Variants in DCBLD2 observed in about 807,000 individuals in gnomAD.
The protein encoded by DCBLD2 is discoidin, CUB and LCCL domain containing 2.
DCBLD2 carries 54 observed loss-of-function variants against 86.8 expected under a neutral mutation model. The ratio of observed to expected loss-of-function variants is 0.62; its 90% confidence interval spans 0.50 to 0.78. The LOEUF is 0.78. DCBLD2 is among the 30% of genes least tolerant of loss of function. The probability of loss-of-function intolerance (pLI) is 0.00; values close to 1 mark genes in which losing one functional copy is unlikely to be tolerated. For missense variants in DCBLD2, 908 were observed against 954.2 expected, an observed-to-expected ratio of 0.95 and a Z score of 0.64; for synonymous variants, 354 against 341.3, an observed-to-expected ratio of 1.04 and a Z score of -0.41.
At chr3:98,834,090 G>T (rs1942374993) in intron 3 of DCBLD2, among the ~76,000 whole-genome samples, 1 of 151,532 alleles carries the variant, frequency 6.6e-6, no homozygotes. Context: ...GTTCCTGAGT[G>T]GGTGGTTGTC....
At chr3:98,899,967 G>A (rs760015906) in intron 1 of DCBLD2, among the ~76,000 whole-genome samples, 1 of 152,146 alleles carries the variant, frequency 6.6e-6, no homozygotes, top group Non-Finnish European at 1.5e-5. Context: ...TGATGATGAT[G>A]TTCAGTAATT....
intron 2 of DCBLD2, among the ~76,000 whole-genome samples, chr3:98,866,939 C>T (rs1302516829): frequency 3.3e-5 from 5 of 152,164 alleles, no homozygotes; most frequent in Non-Finnish European, 4.4e-5. Context: ...AGCCAGTTTT[C>T]CCAGAACCAT....
At chr3:98,823,908 G>C (rs2107450732) in intron 4 of DCBLD2, among the ~76,000 whole-genome samples, 1 of 152,240 alleles carries the variant, frequency 6.6e-6, no homozygotes, top group Middle Eastern at 3.4e-3. Context: ...TCAGGGAATG[G>C]GGGTGGCAGG....
chr3:98,829,038 TACTA>T (rs1354858589), intron 3 of DCBLD2, among the ~76,000 whole-genome samples: 2 of 152,234 alleles, frequency 1.3e-5, no homozygotes, highest in Non-Finnish European at 2.9e-5. Flanking sequence ...GAATAACTGC[TACTA>T]ACTAAGGAAT....
Position 98,799,683 on chromosome 3 carries a change from T to C in DCBLD2, c.2017A>G (p.Thr673Ala). The change falls in exon 16 of 16, where the codon ACG becomes GCG. Residue 673 changes from threonine to alanine, a missense_variant. Around this residue, in one of 3 missense-constraint regions of DCBLD2, gnomAD observed 606 missense variants for 678.5 expected, o/e 0.89. Transcript: ENST00000326840. The part of the protein sequence containing the change: ...YHAYAEPLPI[T>A]GPEYATPIIM... ...ATTGGGGTTGCATACTCAGGCCCCGTAATTGGGAGTGGTTCAGCATAGGCA... is the reference window on the plus strand; with the variant it reads ...ATTGGGGTTGCATACTCAGGCCCCGCAATTGGGAGTGGTTCAGCATAGGCA... The C allele has an allele frequency of 6.2e-7, 1 of 1,613,964 alleles. No homozygotes were observed. The highest frequency in any genetic ancestry group is 8.5e-7 in the Non-Finnish European group (1 of 1,179,868).
chr3:98,886,865 T>C (rs999334198), intron 1 of DCBLD2, among the ~76,000 whole-genome samples: 5 of 143,644 alleles, frequency 3.5e-5, no homozygotes, highest in Non-Finnish European at 7.5e-5. Context: ...AAATTAAACG[T>C]ATTTAAATGA....
intron 13 of DCBLD2, among the ~76,000 whole-genome samples, chr3:98,802,288 G>C (rs1040907779): frequency 6.6e-6 from 1 of 152,146 alleles, no homozygotes; most frequent in African/African-American, 2.4e-5. Context: ...GTTTTGATTT[G>C]CATTTCTCTG....
At chr3:98,821,314 A>C (rs1942115308) in intron 6 of DCBLD2, 1 of 152,218 alleles carries the variant, frequency 6.6e-6, no homozygotes, top group South Asian at 2.1e-4. Context: ...GAGCAGATCT[A>C]AGAGACAAGA....
intron 13 of DCBLD2, 33 bp downstream of exon 13, chr3:98,808,047 GT>G: frequency 1.4e-6 from 2 of 1,466,780 alleles, no homozygotes; most frequent in Admixed American, 2.5e-5. Flanking sequence ...ACATTTGGTA[GT>G]TTTGGACTCA....
chr3:98,876,787 A>C (rs1943379816), intron 2 of DCBLD2, among the ~76,000 whole-genome samples: 1 of 152,234 alleles, frequency 6.6e-6, no homozygotes, highest in Non-Finnish European at 1.5e-5. Flanking sequence ...AGAGTGATTA[A>C]ATAAACTATG....
At chr3:98,854,008 G>A (rs900044159) in intron 2 of DCBLD2, among the ~76,000 whole-genome samples, 9 of 151,454 alleles carry the variant, frequency 5.9e-5, no homozygotes, top group African/African-American at 2.2e-4. Flanking sequence ...TTTTTAACTA[G>A]TATAGAGCAT....
intron 4 of DCBLD2, among the ~76,000 whole-genome samples, chr3:98,824,429 C>T (rs1410235480): frequency 1.3e-5 from 2 of 152,110 alleles, no homozygotes; most frequent in East Asian, 1.9e-4. Context: ...GTCTACCATA[C>T]ACTGATGCTA....
chr3:98,859,098 G>A (rs2439218), intron 2 of DCBLD2, among the ~76,000 whole-genome samples: 54,423 of 152,036 alleles, frequency 0.36, 9,858 homozygotes, highest in Non-Finnish European at 0.38. Flanking sequence ...CTGGCTCGGA[G>A]GGTCCTACGC....
chr3:98,896,278 C>T (rs774083336), intron 1 of DCBLD2, among the ~76,000 whole-genome samples: 2 of 152,162 alleles, frequency 1.3e-5, no homozygotes, highest in Non-Finnish European at 2.9e-5. Flanking sequence ...ATAGGTTGTA[C>T]TAATTTAACC....
chr3:98,807,097 T>C (rs759980087), intron 13 of DCBLD2, among the ~76,000 whole-genome samples: 5 of 152,116 alleles, frequency 3.3e-5, no homozygotes, highest in South Asian at 2.1e-4. Flanking sequence ...AAATCTAAAT[T>C]TCTCTCTTCC....
At chr3:98,845,660 G>C (rs997412944) in intron 3 of DCBLD2, among the ~76,000 whole-genome samples, 2 of 152,090 alleles carry the variant, frequency 1.3e-5, no homozygotes, top group African/African-American at 2.4e-5. Flanking sequence ...TTCCTTAACA[G>C]CTTCCATGCA....
intron 3 of DCBLD2, among the ~76,000 whole-genome samples, chr3:98,848,400 CT>C (rs140967786): frequency 0.12 from 18,921 of 152,166 alleles, 1,277 homozygotes; most frequent in Middle Eastern, 0.18. Flanking sequence ...GATTCTAAGT[CT>C]TTGCTATTGA....
chr3:98,847,560 C>T (rs1255767933), intron 3 of DCBLD2, among the ~76,000 whole-genome samples: 2 of 152,188 alleles, frequency 1.3e-5, no homozygotes, highest in East Asian at 1.9e-4. Flanking sequence ...TCCTCTATCA[C>T]TTTCTATATG....
intron 2 of DCBLD2, among the ~76,000 whole-genome samples, chr3:98,880,642 TA>T (rs1214625083): frequency 2.6e-5 from 4 of 152,196 alleles, no homozygotes; most frequent in Admixed American, 2.6e-4. Context: ...CCACTGCTCT[TA>T]ATCAAGAACA....
Sources: allele counts gnomAD v4.1 joint callset (sites outside exome capture counted in the v4.1 genomes callset), GRCh38; gene constraint gnomAD v4.1.1; regional missense constraint gnomAD v4.1.1; transcripts MANE v1.5; gene names NCBI Gene and HGNC (gene_info 2026-07-23, HGNC 2026-07-21).